Variants in NUP210L observed in about 807,000 individuals in gnomAD.
NUP210L encodes nuclear pore membrane glycoprotein 210-like.
In NUP210L, 74 loss-of-function variants were observed where a neutral mutation model predicts 208.5. The observed-to-expected ratio is 0.35, with a 90% CI of 0.29 to 0.43. The LOEUF (loss-of-function observed/expected upper bound fraction) is 0.43. Ranked by LOEUF, NUP210L falls within the 20% of genes least tolerant of loss-of-function variation. The probability of loss-of-function intolerance (pLI) is 1.00; values close to 1 mark genes in which losing one functional copy is unlikely to be tolerated. For synonymous variants in NUP210L, 780 were observed against 816.9 expected (o/e 0.95, Z 0.77); for missense variants, 1,843 against 2,289.4 (o/e 0.81, Z 3.98).
At position 154,117,920 on chromosome 1, in the gene NUP210L, A is replaced by G. The variant is rs777191099; in HGVS notation, c.1465-40T>C. 101 of 1,473,146 alleles carry G rather than the reference A, an allele frequency of 6.9e-5. 1 individual carries two copies. In the South Asian group the frequency reaches 7.2e-4, roughly 11 times the overall value. The allele number at this position is 1,473,146 out of a possible 1,614,324, so 91.3% of individuals were successfully genotyped here. On this transcript the variant is annotated intron_variant, in intron 11 of 39. Coordinates refer to ENST00000368559, the Ensembl canonical transcript of NUP210L. ...ATTACATTTAATTACAATCGGAAGAAAATAAAATTTAAGTGAAAATGTAAA... is the reference window on the plus strand; with the variant it reads ...ATTACATTTAATTACAATCGGAAGAGAATAAAATTTAAGTGAAAATGTAAA...
At chr1:153,995,710 G>T in intron 37 of NUP210L, 1 of 972,582 alleles carries the variant, frequency 1.0e-6, no homozygotes, top group South Asian at 1.3e-5. Context: ...CCAAACCCTT[G>T]GTAATAGAAT....
chr1:154,054,745 T>G, intron 24 of NUP210L, 25 bp downstream of exon 24: 1 of 1,546,534 alleles, frequency 6.5e-7, no homozygotes, highest in Middle Eastern at 1.7e-4. Context: ...AAGGTAAATC[T>G]TATTTTTTCT....
At chr1:154,106,171 G>A (rs545850203) in intron 12 of NUP210L, among the ~76,000 whole-genome samples, 1 of 152,114 alleles carries the variant, frequency 6.6e-6, no homozygotes. Context: ...TGAGGCAAGG[G>A]AATCGCTCGA....
Position 154,060,928 on chromosome 1 carries a change from C to A in NUP210L, c.2748+14G>T. 2 of 1,524,322 alleles carry A rather than the reference C, an allele frequency of 1.3e-6. No individual in the cohort carries two copies. The highest frequency in any genetic ancestry group is 2.3e-5 in the South Asian group (2 of 88,456). The allele number at this position is 1,524,322 out of a possible 1,614,324, so 94.4% of individuals were successfully genotyped here. On this transcript the variant is annotated intron_variant, in intron 19 of 39. Transcript: ENST00000368559. ...CAATATGATTCCATTTAACTAGACT[C>A]ATACAGCTTCTACCTTTACATCAGG...
At position 154,065,870 on chromosome 1, in the gene NUP210L, G is replaced by A. The variant is rs554211009; in HGVS notation, c.2555-4196C>T. Reference sequence around the variant, plus strand: ...ATAGCACCATTGCACCCCAGCCTGGGCAACACAGTGAGACTCTGTCTCAAA... The same window carrying A: ...ATAGCACCATTGCACCCCAGCCTGGACAACACAGTGAGACTCTGTCTCAAA... On this transcript the variant is annotated intron_variant, in intron 17 of 39. Coordinates refer to ENST00000368559, the Ensembl canonical transcript of NUP210L. 1.6e-4 allele frequency among the ~76,000 whole-genome samples: 22 copies of A among 134,552 alleles called. No individual in the cohort carries two copies. The East Asian group carries it at 4.2e-3, about 26-fold the overall frequency. The allele number at this position is 134,552 out of a possible 152,430, so 88.3% of individuals were successfully genotyped here.
chr1:154,114,781 G>A (rs537573701), intron 12 of NUP210L, among the ~76,000 whole-genome samples: 10 of 145,666 alleles, frequency 6.9e-5, no homozygotes, highest in Admixed American at 2.0e-4. Flanking sequence ...TAAGAGATGG[G>A]GGGGGGGGTC....
At chr1:154,019,486 A>C (rs978473893) in intron 32 of NUP210L, among the ~76,000 whole-genome samples, 2 of 152,174 alleles carry the variant, frequency 1.3e-5, no homozygotes, top group African/African-American at 4.8e-5. Flanking sequence ...ATGGCCGAGG[A>C]ATGCCAAATA....
intron 27 of NUP210L, among the ~76,000 whole-genome samples, chr1:154,030,390 C>T (rs1287683481): frequency 1.3e-5 from 2 of 151,736 alleles, no homozygotes; most frequent in African/African-American, 2.4e-5. Context: ...CTCGACCTCC[C>T]GGGCTCCAGT....
intron 27 of NUP210L, among the ~76,000 whole-genome samples, chr1:154,034,853 T>C (rs954650001): frequency 3.3e-5 from 5 of 151,508 alleles, no homozygotes; most frequent in African/African-American, 1.2e-4. Context: ...CTTTTTTTTT[T>C]TTTTTTGAGA....
At chr1:154,028,227 A>G (rs1288135695) in intron 28 of NUP210L, among the ~76,000 whole-genome samples, 1 of 152,234 alleles carries the variant, frequency 6.6e-6, no homozygotes, top group African/African-American at 2.4e-5. Flanking sequence ...TGTAGAAACT[A>G]TTCATACTCT....
At chr1:153,996,088 C>T (rs766084431) in intron 37 of NUP210L, 10 of 309,506 alleles carry the variant, frequency 3.2e-5, no homozygotes, top group Non-Finnish European at 5.1e-5. Context: ...GTCAGGAGAT[C>T]AAGACCATCC....
At chr1:154,044,854 A>G (rs935535967) in intron 27 of NUP210L, among the ~76,000 whole-genome samples, 5 of 152,148 alleles carry the variant, frequency 3.3e-5, no homozygotes, top group African/African-American at 9.7e-5. Context: ...TCGGCAGCAA[A>G]CTTTACATAG....
chr1:154,039,084 A>C (rs1387762176), intron 27 of NUP210L, among the ~76,000 whole-genome samples: 7 of 152,128 alleles, frequency 4.6e-5, no homozygotes, highest in Non-Finnish European at 1.0e-4. Flanking sequence ...TTTTCTGTGT[A>C]CTTACTATTA....
intron 2 of NUP210L, among the ~76,000 whole-genome samples, chr1:154,148,261 G>A (rs112029322): frequency 6.7e-6 from 1 of 150,080 alleles, no homozygotes; most frequent in African/African-American, 2.5e-5. Flanking sequence ...AGCAAGACTC[G>A]GTCTCAGAAA....
At chr1:154,127,546 G>C in intron 8 of NUP210L, 129 bp from the exon 9 acceptor site, 1 of 302,624 alleles carries the variant, frequency 3.3e-6, no homozygotes. Context: ...GGTTTCCAAA[G>C]TAGGTTCTTT....
chr1:154,101,116 G>A (rs1571272988), intron 13 of NUP210L, among the ~76,000 whole-genome samples: 1 of 142,868 alleles, frequency 7.0e-6, no homozygotes, highest in Admixed American at 7.5e-5. Context: ...AGGTTGCCGT[G>A]AGCCGAGATT....
chr1:154,112,273 G>T (rs1215184483), intron 12 of NUP210L, among the ~76,000 whole-genome samples: 2 of 152,048 alleles, frequency 1.3e-5, no homozygotes, highest in African/African-American at 4.8e-5. Flanking sequence ...AGACAGAGTT[G>T]CTCACTCCTG....
At chr1:154,057,415 G>A (rs1653924964) in intron 22 of NUP210L, among the ~76,000 whole-genome samples, 1 of 152,108 alleles carries the variant, frequency 6.6e-6, no homozygotes, top group Non-Finnish European at 1.5e-5. Flanking sequence ...AACGGTGGAA[G>A]GCTCCTGAGA....
chr1:154,024,876 TTG>T (rs2147932742), intron 30 of NUP210L, among the ~76,000 whole-genome samples: 1 of 151,458 alleles, frequency 6.6e-6, no homozygotes, highest in East Asian at 1.9e-4. Flanking sequence ...ACCAGTCCTT[TTG>T]CCAAAGCTGC....
Sources: gnomAD v4.1 joint callset for allele counts (sites outside exome capture counted in the v4.1 genomes callset) on GRCh38, gnomAD v4.1.1 for gene constraint, MANE v1.5 for transcripts, NCBI Gene and HGNC (gene_info 2026-07-23, HGNC 2026-07-21) for gene names.